Variants in THSD7A observed in about 807,000 individuals in gnomAD.
The protein encoded by THSD7A is thrombospondin type-1 domain-containing protein 7A.
A neutral mutation model predicts 231.3 loss-of-function variants in THSD7A; 96 were observed. That is an observed-to-expected ratio of 0.41 (90% CI 0.35 to 0.49). THSD7A has a LOEUF of 0.49. THSD7A is among the 20% of genes least tolerant of loss of function. The probability of loss-of-function intolerance (pLI) is 0.05; values close to 1 mark genes in which losing one functional copy is unlikely to be tolerated. For missense variants in THSD7A, 2,290 were observed against 2,070.2 expected (o/e 1.11, Z -2.06); for synonymous variants, 940 against 743.3 (o/e 1.26, Z -4.30).
intron 4 of THSD7A, among the ~76,000 whole-genome samples, chr7:11,566,489 T>C (rs1790331452): frequency 6.6e-6 from 1 of 152,166 alleles, no homozygotes; most frequent in Non-Finnish European, 1.5e-5. Context: ...GGAACACAGC[T>C]ATGAAGGAGT....
intron 18 of THSD7A, 30 bp downstream of exon 18, chr7:11,412,626 A>T (rs755270993): frequency 6.2e-7 from 1 of 1,612,596 alleles, no homozygotes; most frequent in Admixed American, 1.7e-5. Flanking sequence ...ATTTGGACTT[A>T]ACTCCGTGAT....
At chr7:11,788,154 T>C (rs1783846506) in intron 1 of THSD7A, among the ~76,000 whole-genome samples, 1 of 152,068 alleles carries the variant, frequency 6.6e-6, no homozygotes, top group Admixed American at 6.6e-5. Context: ...TTCCCAACCA[T>C]TTCTATGAAC....
intron 23 of THSD7A, among the ~76,000 whole-genome samples, chr7:11,388,220 G>T (rs1220188685): frequency 1.3e-5 from 2 of 151,966 alleles, no homozygotes; most frequent in African/African-American, 4.8e-5. Context: ...AAATGAGGTA[G>T]GGAGGATTCC....
intron 4 of THSD7A, among the ~76,000 whole-genome samples, chr7:11,576,204 T>C (rs1339387848): frequency 1.3e-5 from 2 of 152,188 alleles, no homozygotes; most frequent in Non-Finnish European, 2.9e-5. Context: ...CCCACACTCC[T>C]CATCCATTTA....
chr7:11,799,699 A>G (rs1784225130), intron 1 of THSD7A, among the ~76,000 whole-genome samples: 1 of 152,174 alleles, frequency 6.6e-6, no homozygotes, highest in Non-Finnish European at 1.5e-5. Flanking sequence ...TTTTTCTCTC[A>G]TACTAATAGT....
intron 2 of THSD7A, among the ~76,000 whole-genome samples, chr7:11,593,846 T>C (rs967837677): frequency 2.0e-5 from 3 of 152,226 alleles, no homozygotes; most frequent in African/African-American, 7.2e-5. Flanking sequence ...ACTGTTAACA[T>C]ATGCTAATTT....
intron 2 of THSD7A, among the ~76,000 whole-genome samples, chr7:11,596,756 G>T (rs549497561): frequency 2.3e-4 from 35 of 152,306 alleles, no homozygotes; most frequent in African/African-American, 8.4e-4. Flanking sequence ...GTGGATTATC[G>T]TCAGATTAAT....
chr7:11,705,363 T>A (rs1383901035), intron 1 of THSD7A, among the ~76,000 whole-genome samples: 1 of 151,026 alleles, frequency 6.6e-6, no homozygotes, highest in Non-Finnish European at 1.5e-5. Flanking sequence ...ATTGCAATAA[T>A]TTGATGTAAA....
chr7:11,817,504 A>C (rs888619872), intron 1 of THSD7A, among the ~76,000 whole-genome samples: 1 of 152,220 alleles, frequency 6.6e-6, no homozygotes, highest in Non-Finnish European at 1.5e-5. Context: ...GAACAGAGCA[A>C]TGTCAGATGC....
At chr7:11,760,671 T>C (rs1439832584) in intron 1 of THSD7A, among the ~76,000 whole-genome samples, 2 of 152,068 alleles carry the variant, frequency 1.3e-5, no homozygotes, top group Non-Finnish European at 2.9e-5. Context: ...TTACAGTAAA[T>C]TTTATTACAG....
intron 8 of THSD7A, among the ~76,000 whole-genome samples, chr7:11,471,343 G>A (rs1785930580): frequency 6.6e-6 from 1 of 151,880 alleles, no homozygotes; most frequent in African/African-American, 2.4e-5. Flanking sequence ...CAAATATTTT[G>A]TAGCTCAAGT....
chr7:11,567,496 C>G (rs1790409279), intron 4 of THSD7A, among the ~76,000 whole-genome samples: 2 of 152,170 alleles, frequency 1.3e-5, no homozygotes, highest in Non-Finnish European at 2.9e-5. Flanking sequence ...TATCATTCCA[C>G]TTACTCCAGG....
intron 4 of THSD7A, among the ~76,000 whole-genome samples, chr7:11,549,849 G>A (rs1378656073): frequency 6.6e-6 from 1 of 152,026 alleles, no homozygotes; most frequent in Non-Finnish European, 1.5e-5. Flanking sequence ...GTTGACAGGT[G>A]CAGCAAATCA....
chr7:11,375,461 C>T lies in THSD7A; in HGVS notation c.*333G>A. 1 of 198,240 alleles carries T rather than the reference C, an allele frequency of 5.0e-6. No homozygotes were observed. The highest frequency in any genetic ancestry group is 1.0e-5 in the Non-Finnish European group (1 of 97,934). 12.3% of individuals were successfully genotyped at this position (198,240 alleles called of 1,614,324 possible). On this transcript the variant is annotated 3_prime_UTR_variant, in exon 28 of 28. Coordinates refer to ENST00000423059, the MANE Select transcript of THSD7A (RefSeq NM_015204.3). The stretch of plus-strand genomic sequence containing the variant: ...ATTAACACTGCAGACGGTCTTGTAT[C>T]AGGCATCCTAACTGGCCAATTCCAC...
intron 1 of THSD7A, among the ~76,000 whole-genome samples, chr7:11,706,710 C>CCA (rs1279012625): frequency 7.1e-6 from 1 of 140,238 alleles, no homozygotes; most frequent in Non-Finnish European, 1.5e-5. Context: ...CATGGTATAT[C>CCA]CACAAACCAG....
chr7:11,577,875 A>T (rs905380279), intron 4 of THSD7A, among the ~76,000 whole-genome samples: 1 of 152,106 alleles, frequency 6.6e-6, no homozygotes, highest in Non-Finnish European at 1.5e-5. Context: ...ACTACTTAAA[A>T]TTCGCAAGGC....
chr7:11,376,709 G>A (rs1020150573), intron 26 of THSD7A, 52 bp from the exon 27 acceptor site: 1 of 1,384,952 alleles, frequency 7.2e-7, no homozygotes, highest in Non-Finnish European at 1.0e-6. Context: ...GTATACATGA[G>A]GCAGTCTTTA....
intron 2 of THSD7A, among the ~76,000 whole-genome samples, chr7:11,606,586 A>G (rs1780741825): frequency 6.6e-6 from 1 of 152,168 alleles, no homozygotes; most frequent in African/African-American, 2.4e-5. Context: ...GAATGTCTCT[A>G]ATAAGCACTT....
chr7:11,548,680 T>C (rs2128325282), intron 4 of THSD7A, among the ~76,000 whole-genome samples: 1 of 152,288 alleles, frequency 6.6e-6, no homozygotes, highest in East Asian at 1.9e-4. Context: ...GTTGGCTTTA[T>C]TCCTGGGACA....
Sources: gnomAD v4.1 joint callset for allele counts (sites outside exome capture counted in the v4.1 genomes callset) on GRCh38, gnomAD v4.1.1 for gene constraint, MANE v1.5 for transcripts, NCBI Gene and HGNC (gene_info 2026-07-23, HGNC 2026-07-21) for gene names.